Variants in CEP85 observed in about 807,000 individuals in gnomAD.
CEP85 encodes centrosomal protein of 85 kDa.
A neutral mutation model predicts 93.7 loss-of-function variants in CEP85; 58 were observed. That is an observed-to-expected ratio of 0.62 (90% confidence interval 0.50 to 0.77). CEP85 has a LOEUF of 0.77. Ranked by LOEUF, CEP85 falls within the 30% of genes least tolerant of loss-of-function variation. CEP85 has a pLI of 0.00. For missense variants in CEP85, 868 were observed against 922.0 expected, an observed-to-expected ratio of 0.94 and a Z score of 0.76; for synonymous variants, 314 against 338.6, an observed-to-expected ratio of 0.93 and a Z score of 0.80.
chr1:26,273,763 G>A (rs2090011818), intron 11 of CEP85, among the ~76,000 whole-genome samples: 3 of 152,022 alleles, frequency 2.0e-5, no homozygotes, highest in African/African-American at 7.2e-5. Context: ...TGGGCGTGGT[G>A]TCATGCACCT....
chr1:26,257,740 C>CA lies in CEP85; in HGVS notation c.1037+12dup, dbSNP rs1240136182. The stretch of plus-strand genomic sequence containing the variant: ...AGCTTCTCATTGACAAGTAAGAGGG[C>CA]AAGGGGTACCACAGAGCCAGACTAC... On this transcript the variant is annotated intron_variant, in intron 5 of 13. Coordinates refer to ENST00000451429, the MANE Select transcript of CEP85 (RefSeq NM_001319944.2). 6.2e-7 allele frequency: 1 copy of CA among 1,613,800 alleles called. No homozygotes were observed. The highest frequency in any genetic ancestry group is 1.7e-5 in the Admixed American group (1 of 59,988).
At chr1:26,247,808 G>GTTTGTTTTGTTTTGT (rs569238071) in intron 3 of CEP85, among the ~76,000 whole-genome samples, 1 of 151,874 alleles carries the variant, frequency 6.6e-6, no homozygotes, top group Non-Finnish European at 1.5e-5. Flanking sequence ...CACTCAGCCA[G>GTTTGTTTTGTTTTGT]TTTGTTTTGT....
At chr1:26,268,232 C>T (rs182895088) in intron 7 of CEP85, among the ~76,000 whole-genome samples, 47 of 152,252 alleles carry the variant, frequency 3.1e-4, no homozygotes, top group East Asian at 5.8e-4. Flanking sequence ...CCAAGGTGGG[C>T]GGATGGCTTG....
chr1:26,237,803 T>A (rs1235359591), intron 1 of CEP85, among the ~76,000 whole-genome samples: 1 of 152,188 alleles, frequency 6.6e-6, no homozygotes, highest in African/African-American at 2.4e-5. Context: ...TAGAATCCAG[T>A]GCGCCTACCA....
intron 3 of CEP85, among the ~76,000 whole-genome samples, chr1:26,253,019 T>C (rs940291563): frequency 6.6e-6 from 1 of 152,166 alleles, no homozygotes; most frequent in Non-Finnish European, 1.5e-5. Context: ...GTGCCTGGCT[T>C]ATTTCTCTTA....
rs1315990739 is a variant in CEP85, at chr1:26,257,690, A to G, written c.997A>G (p.Asn333Asp). 1 of 1,614,054 alleles carries G rather than the reference A, an allele frequency of 6.2e-7. No individual in the cohort carries two copies. Among genetic ancestry groups the G allele is most frequent in the Non-Finnish European group, 8.5e-7 (1 of 1,180,022 alleles). Residue 333 changes from asparagine to aspartate, a missense_variant, in exon 5 of 14, where the codon AAT becomes GAT. By Grantham distance (23) the Asn-to-Asp change is conservative. Transcript: ENST00000451429. Reference sequence around the variant, plus strand: ...ACAGTGGATCAGCATCTTGAACAGTAATGAACACCTTCTGAAGGAAAAAGA... The same window carrying G: ...ACAGTGGATCAGCATCTTGAACAGTGATGAACACCTTCTGAAGGAAAAAGA... The part of the protein sequence containing the change: ...PAQWISILNS[N>D]EHLLKEKELL...
At position 26,275,014 on chromosome 1, in the gene CEP85, A is replaced by G; in HGVS notation, c.1845A>G (p.Arg615=). 2.5e-6 allele frequency: 4 copies of G among 1,587,942 alleles called. No homozygotes were observed. The highest frequency in any genetic ancestry group is 3.4e-6 in the Non-Finnish European group (4 of 1,167,128). Residue 615 remains arginine (R), a synonymous_variant, in exon 12 of 14, where the codon AGA becomes AGG. Coordinates refer to ENST00000451429, the MANE Select transcript of CEP85 (RefSeq NM_001319944.2). The part of the protein sequence containing the change: ...AQEEGTSQAL[R]EEAQRRDSAL... ...AAGAAGGAACAAGCCAGGCCCTGAG[A>G]GAGGAGGCCCAGCGAAGGGATTCAG... is the stretch of plus-strand genomic sequence containing the variant.
Position 26,270,238 on chromosome 1 carries a change from A to G in CEP85, c.1649+624A>G, listed in dbSNP as rs144830352. 2.7e-3 allele frequency among the ~76,000 whole-genome samples: 407 copies of G among 152,292 alleles called. 1 individual carries two copies. Among genetic ancestry groups the G allele is most frequent in the African/African-American group, 9.4e-3 (389 of 41,558 alleles). On this transcript the variant is annotated intron_variant, in intron 9 of 13. Coordinates refer to ENST00000451429, the MANE Select transcript of CEP85 (RefSeq NM_001319944.2). ...AAACTGGGAAATGAGGTGTCTGTAT[A>G]CTTTCAAAAGTGGGTACTGGTGATA...
intron 3 of CEP85, among the ~76,000 whole-genome samples, chr1:26,248,386 A>T (rs942667924): frequency 1.3e-5 from 2 of 151,950 alleles, no homozygotes; most frequent in Admixed American, 1.3e-4. Context: ...TGTGTGTGTG[A>T]CTCTCTTTTT....
At chr1:26,272,314 G>A (rs555878242) in intron 11 of CEP85, 2 of 500,602 alleles carry the variant, frequency 4.0e-6, no homozygotes, top group South Asian at 3.0e-5. Flanking sequence ...GTCAGTGGGA[G>A]GAAGGGAGGT....
chr1:26,272,642 TTTG>T (rs1557668877), intron 11 of CEP85, among the ~76,000 whole-genome samples: 1 of 135,232 alleles, frequency 7.4e-6, no homozygotes. Flanking sequence ...TTTTTTTTTT[TTTG>T]GAGACAGAGT....
At chr1:26,255,096 C>A in intron 3 of CEP85, 75 bp from the exon 4 acceptor site, 1 of 1,232,404 alleles carries the variant, frequency 8.1e-7, no homozygotes, top group Non-Finnish European at 1.2e-6. Context: ...AGGCCGAGAG[C>A]TTCTGGCATA....
rs543985296 is a variant in CEP85 at position 26,259,265 on chromosome 1, C to T, written c.1156-352C>T. 5.3e-5 allele frequency among the ~76,000 whole-genome samples: 8 copies of T among 152,224 alleles called. No individual in the cohort carries two copies. The South Asian group carries it at 8.3e-4, about 16-fold the overall frequency. On this transcript the variant is annotated intron_variant, in intron 6 of 13. Transcript: ENST00000451429. The stretch of plus-strand genomic sequence containing the variant: ...AGCCCAGGTCTTCTGATGTCTTGTC[C>T]TAGGTTCCTTCCAGTATACAATGGC...
At chr1:26,235,564 A>ATTTTTTTTTTTTT (rs1185542130) in intron 1 of CEP85, among the ~76,000 whole-genome samples, 29 of 69,558 alleles carry the variant, frequency 4.2e-4, no homozygotes, top group African/African-American at 1.6e-3. Context: ...TTAGATTGTA[A>ATTTTTTTTTTTTT]TTCTTTTTTT....
chr1:26,260,327 C>A (rs537717485), intron 7 of CEP85, among the ~76,000 whole-genome samples: 15 of 152,194 alleles, frequency 9.9e-5, no homozygotes, highest in Non-Finnish European at 1.9e-4. Context: ...CCCGTCTCTA[C>A]TAAAAATGCA....
intron 3 of CEP85, among the ~76,000 whole-genome samples, chr1:26,250,506 G>A (rs2089589133): frequency 6.6e-6 from 1 of 152,226 alleles, no homozygotes; most frequent in African/African-American, 2.4e-5. Flanking sequence ...AACCGCTGGT[G>A]TAACTTTACA....
intron 2 of CEP85, among the ~76,000 whole-genome samples, chr1:26,240,227 G>A (rs981186593): frequency 6.6e-5 from 10 of 152,150 alleles, no homozygotes; most frequent in East Asian, 1.9e-4. Context: ...AACAGATTCC[G>A]TTGCATTGTT....
In CEP85 at chr1:26,255,836, T is replaced by A; in HGVS notation, c.874T>A (p.Leu292Met). Residue 292 changes from leucine to methionine, a missense_variant, in exon 4 of 14, where the codon TTG becomes ATG. Coordinates refer to ENST00000451429, the MANE Select transcript of CEP85 (RefSeq NM_001319944.2). ...ELSTCRQQLE[L>M]IRLQMEQMQL... ...CAGCACTTGTCGGCAGCAGCTGGAA[T>A]TGATTCGTTTACAGATGGAGCAAAT... 1 of 1,612,308 alleles carries A rather than the reference T, an allele frequency of 6.2e-7. No individual in the cohort carries two copies. Among genetic ancestry groups the A allele is most frequent in the Non-Finnish European group, 8.5e-7 (1 of 1,178,702 alleles).
intron 1 of CEP85, among the ~76,000 whole-genome samples, chr1:26,237,184 G>A (rs1455463156): frequency 6.6e-6 from 1 of 152,086 alleles, no homozygotes; most frequent in African/African-American, 2.4e-5. Flanking sequence ...GGTGGTTGGG[G>A]ATGTCTTAGA....
Sources: allele counts gnomAD v4.1 joint callset (sites outside exome capture counted in the v4.1 genomes callset), GRCh38; gene constraint gnomAD v4.1.1; transcripts MANE v1.5; gene names NCBI Gene and HGNC (gene_info 2026-07-23, HGNC 2026-07-21).